Variants in STK33 observed in about 807,000 individuals in gnomAD.
STK33 encodes the protein serine/threonine kinase 33, also known as serine/threonine-protein kinase 33.
Under a neutral mutation model 58.0 loss-of-function variants are expected in STK33, and 52 were observed. The ratio of observed to expected loss-of-function variants is 0.90; its 90% CI spans 0.72 to 1.13. The LOEUF (loss-of-function observed/expected upper bound fraction) is 1.13, where lower values mean the gene tolerates loss of function less well. Among genes scored for constraint, STK33 ranks in the 50% most tolerant of loss-of-function variants. The pLI, the probability that STK33 is intolerant of heterozygous loss-of-function variation, is 0.00. For synonymous variants in STK33, 215 were observed against 200.1 expected (o/e 1.07, Z -0.63); for missense variants, 630 against 604.2 (o/e 1.04, Z -0.45).
At chr11:8,429,499 G>A (rs565910056) in intron 14 of STK33, among the ~76,000 whole-genome samples, 110 of 152,206 alleles carry the variant, frequency 7.2e-4, no homozygotes, top group African/African-American at 2.6e-3. Flanking sequence ...CTTCTACTTA[G>A]TTACAAAATT....
At chr11:8,538,738 T>C (rs1227692059) in intron 1 of STK33, among the ~76,000 whole-genome samples, 1 of 152,184 alleles carries the variant, frequency 6.6e-6, no homozygotes, top group Non-Finnish European at 1.5e-5. Context: ...GAATGCTTGT[T>C]GAATGAATGA....
intron 14 of STK33, among the ~76,000 whole-genome samples, chr11:8,421,557 G>C (rs79375767): frequency 6.6e-6 from 1 of 152,198 alleles, no homozygotes; most frequent in African/African-American, 2.4e-5. Context: ...AAGACATTCA[G>C]AAATTTCTTG....
intron 14 of STK33, among the ~76,000 whole-genome samples, chr11:8,427,030 T>C (rs1942855307): frequency 1.3e-5 from 2 of 152,144 alleles, no homozygotes; most frequent in Non-Finnish European, 2.9e-5. Flanking sequence ...TGTGTTTTGT[T>C]TTTGTATTTT....
Position 8,435,405 on chromosome 11 carries a change from T to C in STK33, c.1146+89A>G, listed in dbSNP as rs1450706050. 7.2e-6 allele frequency: 5 copies of C among 690,038 alleles called. No homozygotes were observed. The African/African-American group carries it at 9.2e-5, about 13-fold the overall frequency. The allele number at this position is 690,038 out of a possible 1,614,324, so 42.7% of individuals were successfully genotyped here. A position where few individuals can be genotyped will look rare whatever the true frequency, so the allele number is the denominator to read the frequency against. On this transcript the variant is annotated intron_variant, in intron 14 of 15. Coordinates refer to ENST00000687296, the MANE Select transcript of STK33 (RefSeq NM_001352389.2). The stretch of plus-strand genomic sequence containing the variant: ...CAGAAAATCAAACTAATTGACTGTT[T>C]TAAGACTATGAAGAAAACTCCAAGA...
At chr11:8,500,339 A>AACACACAC (rs35599782) in intron 1 of STK33, among the ~76,000 whole-genome samples, 2 of 150,390 alleles carry the variant, frequency 1.3e-5, no homozygotes, top group Non-Finnish European at 3.0e-5. Flanking sequence ...AACACCCCCC[A>AACACACAC]ACACACACAC....
At chr11:8,459,397 G>GA (rs1293008080) in intron 8 of STK33, among the ~76,000 whole-genome samples, 1 of 152,066 alleles carries the variant, frequency 6.6e-6, no homozygotes, top group Non-Finnish European at 1.5e-5. Context: ...CAATACATTG[G>GA]AAAAATCACA....
chr11:8,568,324 C>T (rs1378759126), intron 1 of STK33, among the ~76,000 whole-genome samples: 1 of 152,042 alleles, frequency 6.6e-6, no homozygotes, highest in Non-Finnish European at 1.5e-5. Flanking sequence ...AAGTATTATT[C>T]ATAACATTTA....
At chr11:8,361,123 C>T in the STK33 span, among the ~76,000 whole-genome samples, 2 of 152,100 alleles carry the variant, frequency 1.3e-5, no homozygotes, top group African/African-American at 2.4e-5. The surrounding 1 kb of genome is among the most constrained non-coding windows in gnomAD (Gnocchi z 4.8). Context: ...GGTTAGTGAA[C>T]CATTATCCCA....
At chr11:8,386,110 T>C in the STK33 span, among the ~76,000 whole-genome samples, 6 of 152,230 alleles carry the variant, frequency 3.9e-5, no homozygotes, top group Non-Finnish European at 7.3e-5. Flanking sequence ...TACAACTCTG[T>C]CCATGCTGGT....
chr11:8,528,899 G>A (rs1472614919), intron 1 of STK33, among the ~76,000 whole-genome samples: 1 of 152,204 alleles, frequency 6.6e-6, no homozygotes, highest in Non-Finnish European at 1.5e-5. Flanking sequence ...GTAGTGTACT[G>A]AACACTTGCT....
At chr11:8,467,968 A>T (rs913111434) in intron 6 of STK33, among the ~76,000 whole-genome samples, 2 of 152,004 alleles carry the variant, frequency 1.3e-5, no homozygotes, top group Non-Finnish European at 2.9e-5. Flanking sequence ...TCACTTCTAC[A>T]TTTGTGGGCA....
At chr11:8,590,770 T>G (rs971137173) in intron 1 of STK33, among the ~76,000 whole-genome samples, 1 of 152,162 alleles carries the variant, frequency 6.6e-6, no homozygotes, top group Non-Finnish European at 1.5e-5. Flanking sequence ...ATTCTAGAGC[T>G]CTAAGATAAA....
chr11:8,467,805 T>G (rs1301261118), intron 6 of STK33, among the ~76,000 whole-genome samples: 2 of 152,168 alleles, frequency 1.3e-5, no homozygotes, highest in South Asian at 2.1e-4. Flanking sequence ...ATTAGCTGGG[T>G]GTGGTGGCCT....
chr11:8,462,440 T>TACACAC (rs201221789), intron 7 of STK33, among the ~76,000 whole-genome samples: 20,874 of 125,148 alleles, frequency 0.17, 1,893 homozygotes, highest in South Asian at 0.33. Context: ...TATATACATA[T>TACACAC]ATACACACAC....
chr11:8,589,078 T>C (rs1396494655), intron 1 of STK33, among the ~76,000 whole-genome samples: 6 of 152,126 alleles, frequency 3.9e-5, no homozygotes, highest in Non-Finnish European at 5.9e-5. Context: ...GAATGCAAAA[T>C]GGTACAGCCA....
chr11:8,337,645 C>G, the STK33 span, among the ~76,000 whole-genome samples: 1,251 of 87,662 alleles, frequency 0.014, 5 homozygotes, highest in Non-Finnish European at 0.016. Flanking sequence ...CGGCGGGGGG[C>G]GGGGGGGGGG....
chr11:8,396,019 C>T (rs549026631), intron 15 of STK33, among the ~76,000 whole-genome samples: 2 of 152,296 alleles, frequency 1.3e-5, no homozygotes, highest in East Asian at 3.9e-4. Flanking sequence ...CAGCCTAACG[C>T]TGGCTACCCC....
At chr11:8,516,843 A>T (rs184564842) in intron 1 of STK33, among the ~76,000 whole-genome samples, 4 of 152,216 alleles carry the variant, frequency 2.6e-5, no homozygotes, top group Admixed American at 2.0e-4. Flanking sequence ...GGAAACTCAA[A>T]CTGGATGGAG....
intron 15 of STK33, among the ~76,000 whole-genome samples, chr11:8,404,720 GT>G (rs1335813728): frequency 6.6e-5 from 10 of 152,130 alleles, no homozygotes; most frequent in African/African-American, 2.4e-4. Flanking sequence ...TCATTCTTCT[GT>G]TAATGAATAT....
Sources: allele counts gnomAD v4.1 joint callset (sites outside exome capture counted in the v4.1 genomes callset), GRCh38; gene constraint gnomAD v4.1.1; non-coding constraint Gnocchi (gnomAD v3.1); transcripts MANE v1.5; gene names NCBI Gene and HGNC (gene_info 2026-07-23, HGNC 2026-07-21).